The following KLHL14 variants were observed in gnomAD, a reference collection of about 807,000 sequenced individuals.
The protein encoded by KLHL14 is kelch-like protein 14.
Under a neutral mutation model 64.3 loss-of-function variants are expected in KLHL14, and 22 were observed. That is an observed-to-expected ratio of 0.34 (90% CI 0.24 to 0.49). The LOEUF (loss-of-function observed/expected upper bound fraction) is 0.49, where lower values mean the gene tolerates loss of function less well. Ranked by LOEUF, KLHL14 falls within the 20% of genes least tolerant of loss-of-function variation. The probability of loss-of-function intolerance (pLI) is 0.99; values close to 1 mark genes in which losing one functional copy is unlikely to be tolerated. For missense variants in KLHL14, 661 were observed against 789.0 expected (o/e 0.84, Z 1.94); for synonymous variants, 322 against 333.4 (o/e 0.97, Z 0.37).
rs145641775 is a variant in KLHL14, at chr18:32,698,002, A to G, written c.1070-2450T>C. Among the ~76,000 whole-genome samples, 454 of 152,310 alleles carry G rather than the reference A, an allele frequency of 3.0e-3. 4 individuals carry two copies. Among genetic ancestry groups the G allele is most frequent in the African/African-American group, 0.011 (443 of 41,570 alleles). ...TACTGTGAATTGAGAGGCTATAAATATACCCAAATGCTCTTTGACATTATT... is the reference window on the plus strand; with the variant it reads ...TACTGTGAATTGAGAGGCTATAAATGTACCCAAATGCTCTTTGACATTATT... On this transcript the variant is annotated intron_variant, in intron 3 of 8. Transcript: ENST00000359358.
intron 2 of KLHL14, among the ~76,000 whole-genome samples, chr18:32,756,590 T>C (rs2050283253): frequency 6.6e-6 from 1 of 152,220 alleles, no homozygotes; most frequent in Admixed American, 6.5e-5. Flanking sequence ...TCCCTTTTCC[T>C]GGGATAGATT....
intron 1 of KLHL14, chr18:32,772,341 C>T (rs1204604544): frequency 4.1e-6 from 1 of 245,764 alleles, no homozygotes; most frequent in Non-Finnish European, 8.8e-6. Context: ...CCACGCCCGC[C>T]CCCAAAGCTC....
chr18:32,711,520 A>C (rs540092324), intron 3 of KLHL14, among the ~76,000 whole-genome samples: 1 of 152,312 alleles, frequency 6.6e-6, no homozygotes, highest in East Asian at 1.9e-4. Context: ...TGGTGACAAA[A>C]TGGGGAGTAA....
At chr18:32,732,426 T>G (rs2050141388) in intron 3 of KLHL14, among the ~76,000 whole-genome samples, 1 of 152,224 alleles carries the variant, frequency 6.6e-6, no homozygotes, top group Non-Finnish European at 1.5e-5. Context: ...AAGGGTGCAC[T>G]GTTGTAAACA....
At chr18:32,768,328 A>G (rs1429608675) in intron 2 of KLHL14, among the ~76,000 whole-genome samples, 1 of 151,736 alleles carries the variant, frequency 6.6e-6, no homozygotes, top group Non-Finnish European at 1.5e-5. Flanking sequence ...TGCCTAAAAA[A>G]GTGTAGAGAG....
chr18:32,694,003 A>G (rs2049924996), intron 4 of KLHL14, among the ~76,000 whole-genome samples: 1 of 151,524 alleles, frequency 6.6e-6, no homozygotes, highest in Non-Finnish European at 1.5e-5. Flanking sequence ...GTTTTTTTGC[A>G]TATGCCTCTG....
Position 32,716,581 on chromosome 18 carries a change from A to G in KLHL14, c.1070-21029T>C, listed in dbSNP as rs1034373741. On this transcript the variant is annotated intron_variant, in intron 3 of 8. Coordinates refer to ENST00000359358, the MANE Select transcript of KLHL14 (RefSeq NM_020805.3). Reference sequence around the variant, plus strand: ...AGGCACACGCCACCACGCCCAGCTAATTTTTTTTGTATGTTTGAGTAGAGA... The same window carrying G: ...AGGCACACGCCACCACGCCCAGCTAGTTTTTTTTGTATGTTTGAGTAGAGA... 2.6e-5 allele frequency among the ~76,000 whole-genome samples: 4 copies of G among 151,780 alleles called. No homozygotes were observed. In the South Asian group the frequency reaches 8.3e-4, roughly 32 times the overall value.
intron 2 of KLHL14, chr18:32,743,553 T>G (rs2050209736): frequency 1.3e-5 from 2 of 152,096 alleles, no homozygotes; most frequent in Admixed American, 1.3e-4. Flanking sequence ...GAGGAATGAG[T>G]AATGTGATGG....
intron 2 of KLHL14, among the ~76,000 whole-genome samples, chr18:32,763,624 G>GA (rs1444612110): frequency 6.6e-6 from 1 of 152,054 alleles, no homozygotes; most frequent in African/African-American, 2.4e-5. Context: ...GCTTGTGGTA[G>GA]TTGCTCAGAC....
chr18:32,726,658 TAAAATAAAATATTTTTCTCA>T (rs2050109885), intron 3 of KLHL14, among the ~76,000 whole-genome samples: 1 of 151,882 alleles, frequency 6.6e-6, no homozygotes, highest in Non-Finnish European at 1.5e-5. Flanking sequence ...TAAAATAAAA[TAAAATAAAATATTTTTCTCA>T]AAAGAAAAAA....
chr18:32,687,259 A>G (rs763113383), intron 4 of KLHL14, 26 bp from the exon 5 acceptor site: 60 of 1,566,936 alleles, frequency 3.8e-5, no homozygotes, highest in Non-Finnish European at 4.6e-5. Context: ...CGAGACATTT[A>G]AAACTTAGAT....
intron 3 of KLHL14, among the ~76,000 whole-genome samples, chr18:32,730,623 A>C (rs1233676347): frequency 6.6e-6 from 1 of 152,244 alleles, no homozygotes; most frequent in Non-Finnish European, 1.5e-5. Context: ...AGCAAAAACA[A>C]GTGAGACCAT....
intron 2 of KLHL14, among the ~76,000 whole-genome samples, chr18:32,749,043 G>GT (rs2050238983): frequency 6.6e-6 from 1 of 152,098 alleles, no homozygotes; most frequent in African/African-American, 2.4e-5. Flanking sequence ...TGACAAGCAG[G>GT]TGGCCTATGC....
At chr18:32,722,236 A>G (rs2050083487) in intron 3 of KLHL14, among the ~76,000 whole-genome samples, 1 of 152,220 alleles carries the variant, frequency 6.6e-6, no homozygotes, top group Non-Finnish European at 1.5e-5. Flanking sequence ...TAGCAGGGTG[A>G]GAACAGACTA....
intron 2 of KLHL14, among the ~76,000 whole-genome samples, chr18:32,757,732 A>G (rs1392443119): frequency 6.6e-6 from 1 of 152,240 alleles, no homozygotes; most frequent in South Asian, 2.1e-4. Context: ...CCAAGTCCAG[A>G]ATATCATTTA....
At chr18:32,712,420 T>C (rs2050023791) in intron 3 of KLHL14, among the ~76,000 whole-genome samples, 1 of 152,166 alleles carries the variant, frequency 6.6e-6, no homozygotes, top group Admixed American at 6.5e-5. Context: ...TGTGCCTTCC[T>C]TTTGTTAGCC....
intron 3 of KLHL14, among the ~76,000 whole-genome samples, chr18:32,707,534 G>T (rs77118967): frequency 0.03 from 4,610 of 152,332 alleles, 168 homozygotes; most frequent in African/African-American, 0.083. Context: ...TACCTAAATT[G>T]TTGGTATAAA....
chr18:32,760,313 G>A (rs2144548369), intron 2 of KLHL14, among the ~76,000 whole-genome samples: 1 of 148,500 alleles, frequency 6.7e-6, no homozygotes, highest in Admixed American at 6.7e-5. Context: ...CCAACAATAT[G>A]TGATTGGACT....
chr18:32,699,304 T>C (rs1470088063), intron 3 of KLHL14, among the ~76,000 whole-genome samples: 3 of 152,190 alleles, frequency 2.0e-5, no homozygotes, highest in Non-Finnish European at 4.4e-5. Flanking sequence ...TATTGATCTA[T>C]ATTATAGCTT....
Sources: gnomAD v4.1 joint callset for allele counts (sites outside exome capture counted in the v4.1 genomes callset) on GRCh38, gnomAD v4.1.1 for gene constraint, MANE v1.5 for transcripts, NCBI Gene and HGNC (gene_info 2026-07-23, HGNC 2026-07-21) for gene names.